Variants in THAP1 observed in about 807,000 individuals in gnomAD.
The protein encoded by THAP1 is THAP domain containing 1, also known as THAP domain-containing protein 1.
Under a neutral mutation model 18.2 loss-of-function variants are expected in THAP1, and 6 were observed. That is an observed-to-expected ratio of 0.33 (90% CI 0.18 to 0.65). The LOEUF (loss-of-function observed/expected upper bound fraction) is 0.65. THAP1 is among the 30% of genes least tolerant of loss of function. The pLI, the probability that THAP1 is intolerant of heterozygous loss-of-function variation, is 0.74. For missense variants in THAP1, 176 were observed against 253.0 expected (o/e 0.70, Z 2.06); for synonymous variants, 85 against 90.5 (o/e 0.94, Z 0.34).
At chr8:42,838,580 G>A (rs1015953947) in intron 2 of THAP1, among the ~76,000 whole-genome samples, 1 of 152,076 alleles carries the variant, frequency 6.6e-6, no homozygotes, top group Non-Finnish European at 1.5e-5. Flanking sequence ...CCAGCTACTT[G>A]GGCGGCTGAG....
intron 1 of THAP1, among the ~76,000 whole-genome samples, chr8:42,841,364 G>C (rs1162563438): frequency 1.5e-5 from 2 of 135,520 alleles, no homozygotes; most frequent in Non-Finnish European, 3.0e-5. Flanking sequence ...TGCAGGGCAA[G>C]ATCTCAGCTC....
intron 1 of THAP1, among the ~76,000 whole-genome samples, chr8:42,841,593 AAC>A (rs995227165): frequency 5.9e-5 from 9 of 152,072 alleles, no homozygotes; most frequent in African/African-American, 1.9e-4. Flanking sequence ...CCTCGACAAA[AAC>A]AGTTATTTCC....
intron 1 of THAP1, among the ~76,000 whole-genome samples, chr8:42,841,708 T>C (rs1027824900): frequency 1.4e-4 from 22 of 152,256 alleles, no homozygotes; most frequent in African/African-American, 5.3e-4. Flanking sequence ...GGTGGGGAGC[T>C]GGGCATGTAA....
intron 1 of THAP1, 126 bp from the exon 2 acceptor site, chr8:42,839,507 G>A (rs1802676913): frequency 1.0e-6 from 1 of 968,220 alleles, no homozygotes. Context: ...TATCCTATTG[G>A]ATTAAAGATT....
intron 1 of THAP1, among the ~76,000 whole-genome samples, chr8:42,841,625 T>C (rs1412779971): frequency 1.3e-5 from 2 of 152,182 alleles, no homozygotes; most frequent in African/African-American, 4.8e-5. Context: ...ATACCCTCTT[T>C]AAACTAGTTT....
At chr8:42,841,537 C>T (rs1802718069) in intron 1 of THAP1, among the ~76,000 whole-genome samples, 1 of 152,168 alleles carries the variant, frequency 6.6e-6, no homozygotes, top group Non-Finnish European at 1.5e-5. Flanking sequence ...GATCCGCCCA[C>T]CTTGGCCTCC....
intron 1 of THAP1, among the ~76,000 whole-genome samples, chr8:42,841,829 G>A (rs1263629848): frequency 6.6e-6 from 1 of 152,024 alleles, no homozygotes; most frequent in East Asian, 1.9e-4. Flanking sequence ...TCCTCTAAGT[G>A]TTCTATCCCC....
In THAP1 at chr8:42,837,214, C is replaced by T. The variant is rs1275046850; in HGVS notation, c.*748G>A. ...ATAGATCAGGTCCCAGTTTTAATTACTTCATTGATGACAATGCCTTACTTT... is the reference window on the plus strand; with the variant it reads ...ATAGATCAGGTCCCAGTTTTAATTATTTCATTGATGACAATGCCTTACTTT... On this transcript the variant is annotated 3_prime_UTR_variant, in exon 3 of 3. Transcript: ENST00000254250. The T allele has an allele frequency of 6.6e-6, 1 of 152,134 alleles. No individual in the cohort carries two copies. The highest frequency in any genetic ancestry group is 1.9e-4 in the East Asian group (1 of 5,194). The allele number at this position is 152,134 out of a possible 1,614,324, so 9.4% of individuals were successfully genotyped here. A position where few individuals can be genotyped will look rare whatever the true frequency, so the allele number is the denominator to read the frequency against.
Position 42,843,060 on chromosome 8 carries a change from T to A in THAP1, c.35A>T (p.Asn12Ile), listed in dbSNP as rs768850503. Residue 12 changes from asparagine (N) to isoleucine (I), a missense_variant, in exon 1 of 3, where the codon AAC becomes ATC. Physicochemically the swap from Asn to Ile is moderately radical, Grantham distance 149 (BLOSUM62 -3). Transcript: ENST00000254250. ...AACGGGCTTGTCCTTGTCGTAGCGG[T>A]TCTTGCAGCCGTAGGCGGAGCAGGA... ...VQSCSAYGCKNRYDKDKPVSF... is the reference protein window; with the variant it reads ...VQSCSAYGCKIRYDKDKPVSF... 6.2e-7 allele frequency: 1 copy of A among 1,613,822 alleles called. No homozygotes were observed. Among genetic ancestry groups the A allele is most frequent in the Non-Finnish European group, 8.5e-7 (1 of 1,179,856 alleles).
chr8:42,838,440 CT>C, intron 2 of THAP1, 104 bp from the exon 3 acceptor site: 1 of 1,471,160 alleles, frequency 6.8e-7, no homozygotes, highest in East Asian at 2.3e-5. Context: ...AATCCTAGTA[CT>C]TTTGTGAGGA....
intron 1 of THAP1, among the ~76,000 whole-genome samples, chr8:42,839,704 G>A (rs1449634778): frequency 1.3e-5 from 2 of 152,084 alleles, no homozygotes; most frequent in African/African-American, 2.4e-5. Flanking sequence ...GCGCCACCAC[G>A]CCCAGCTAAG....
intron 2 of THAP1, 144 bp from the exon 3 acceptor site, chr8:42,838,480 A>G (rs914589355): frequency 2.5e-5 from 26 of 1,054,556 alleles, no homozygotes; most frequent in African/African-American, 6.4e-5. Flanking sequence ...TGAGGTCAGG[A>G]GTTTGAGACC....
intron 2 of THAP1, 34 bp downstream of exon 2, chr8:42,839,152 A>C (rs1802669984): frequency 6.2e-7 from 1 of 1,612,088 alleles, no homozygotes; most frequent in Non-Finnish European, 8.5e-7. Flanking sequence ...TTTGATAAAC[A>C]AAAAGCAACC....
At chr8:42,842,678 A>C (rs1170826945) in intron 1 of THAP1, 2 of 159,028 alleles carry the variant, frequency 1.3e-5, no homozygotes, top group African/African-American at 4.8e-5. Context: ...TACCCCTAAG[A>C]CCATATTAAA....
intron 1 of THAP1, 62 bp downstream of exon 1, chr8:42,842,962 C>T (rs1411794825): frequency 1.4e-6 from 2 of 1,381,628 alleles, no homozygotes; most frequent in South Asian, 3.2e-5. Context: ...GCCCCCGGCC[C>T]CGCCGGCCGC....
intron 1 of THAP1, among the ~76,000 whole-genome samples, chr8:42,841,698 G>T (rs993773705): frequency 1.3e-5 from 2 of 151,778 alleles, no homozygotes; most frequent in African/African-American, 2.4e-5. Flanking sequence ...CAGAAATGTG[G>T]GTGGGGAGCT....
chr8:42,837,836 A>T lies in THAP1; in HGVS notation c.*126T>A, dbSNP rs528807483. ...TTACAGTATATATAGAATTTTTTTTAAAAAAATATTCTGAACTGTTTTTAT... is the reference window on the plus strand; with the variant it reads ...TTACAGTATATATAGAATTTTTTTTTAAAAAATATTCTGAACTGTTTTTAT... On this transcript the variant is annotated 3_prime_UTR_variant, in exon 3 of 3. Transcript: ENST00000254250. The T allele has an allele frequency of 2.8e-4, 292 of 1,056,598 alleles. 2 individuals carry two copies. The East Asian group carries it at 3.1e-3, about 11-fold the overall frequency. 65.5% of individuals were successfully genotyped at this position (1,056,598 alleles called of 1,614,324 possible).
chr8:42,837,879 A>AT lies in THAP1; in HGVS notation c.*82dup, dbSNP rs1802644621. 8.1e-6 allele frequency: 12 copies of AT among 1,479,388 alleles called. No homozygotes were observed. The highest frequency in any genetic ancestry group is 2.3e-5 in the East Asian group (1 of 43,940). The allele number at this position is 1,479,388 out of a possible 1,614,324, so 91.6% of individuals were successfully genotyped here. On this transcript the variant is annotated 3_prime_UTR_variant, in exon 3 of 3. Transcript: ENST00000254250. ...GTTTTTATATAAGTAATCAAATGTT[A>AT]TTTTTTTAAATGAAACTCCTTTACA...
Position 42,837,827 on chromosome 8 carries a change from AT to A in THAP1, c.*134del, listed in dbSNP as rs893250848. The A allele has an allele frequency of 3.8e-5, 37 of 973,850 alleles. No homozygotes were observed. The highest frequency in any genetic ancestry group is 4.4e-5 in the Non-Finnish European group (31 of 710,048). 60.3% of individuals were successfully genotyped at this position (973,850 alleles called of 1,614,324 possible). ...TTTATAATTTTACAGTATATATAGA[AT>A]TTTTTTTAAAAAAATATTCTGAACT... is the stretch of plus-strand genomic sequence containing the variant. On this transcript the variant is annotated 3_prime_UTR_variant, in exon 3 of 3. Transcript: ENST00000254250.
Sources: gnomAD v4.1 joint callset for allele counts (sites outside exome capture counted in the v4.1 genomes callset) on GRCh38, gnomAD v4.1.1 for gene constraint, MANE v1.5 for transcripts, NCBI Gene and HGNC (gene_info 2026-07-23, HGNC 2026-07-21) for gene names.